The following EFHB variants were observed in gnomAD, a reference collection of about 807,000 sequenced individuals.
EFHB encodes EF-hand domain family member B, also known as EF-hand domain-containing family member B.
Under a neutral mutation model 87.2 loss-of-function variants are expected in EFHB, and 91 were observed. The ratio of observed to expected loss-of-function variants is 1.04; its 90% CI spans 0.88 to 1.24. The LOEUF (loss-of-function observed/expected upper bound fraction) is 1.24, where lower values mean the gene tolerates loss of function less well. Among genes scored for constraint, EFHB ranks in the 50% most tolerant of loss-of-function variants. EFHB has a pLI of 0.00. For missense variants in EFHB, 1,084 were observed against 998.8 expected (o/e 1.09, Z -1.15); for synonymous variants, 325 against 333.6 (o/e 0.97, Z 0.28).
chr3:19,933,874 C>T lies in EFHB; in HGVS notation c.145G>A (p.Val49Ile). Reference protein sequence around the residue: ...EDSRCGESPVVSNKCEGRMAP... With the variant: ...EDSRCGESPVISNKCEGRMAP... ...ATCCTTCCCTCACACTTATTACTAA[C>T]CACAGGGCTCTCCCCGCATCGGGAA... is the stretch of plus-strand genomic sequence containing the variant. Residue 49 changes from valine to isoleucine, a missense_variant, in exon 1 of 13, where the codon GTT becomes ATT. Physicochemically the swap from Val to Ile is conservative, Grantham distance 29. Transcript: ENST00000295824. 6.2e-7 allele frequency: 1 copy of T among 1,614,000 alleles called. No individual in the cohort carries two copies. The highest frequency in any genetic ancestry group is 8.5e-7 in the Non-Finnish European group (1 of 1,179,884).
intron 9 of EFHB, chr3:19,894,842 G>C (rs1694420344): frequency 6.6e-6 from 1 of 151,580 alleles, no homozygotes; most frequent in African/African-American, 2.4e-5. Flanking sequence ...CGAAAATTAG[G>C]GTGTGGTGGC....
In EFHB at chr3:19,905,612, A is replaced by G. The variant is rs762782890; in HGVS notation, c.1418+8T>C. ...ACTTGTTCCTGGGCACAGTATAATTAAACTTACATTTGTAGTTCATGGAGC... is the reference window on the plus strand; with the variant it reads ...ACTTGTTCCTGGGCACAGTATAATTGAACTTACATTTGTAGTTCATGGAGC... On this transcript the variant is annotated splice_region_variant and intron_variant, in intron 6 of 12. Transcript: ENST00000295824. The G allele has an allele frequency of 6.2e-7, 1 of 1,612,848 alleles. No homozygotes were observed. Among genetic ancestry groups the G allele is most frequent in the South Asian group, 1.1e-5 (1 of 90,876 alleles).
intron 1 of EFHB, among the ~76,000 whole-genome samples, chr3:19,924,388 A>G (rs1482651867): frequency 1.3e-5 from 2 of 151,362 alleles, no homozygotes; most frequent in Admixed American, 6.6e-5. Flanking sequence ...TAATTTTTGT[A>G]TTTTCAGTAG....
At chr3:19,905,209 C>T (rs1694799445) in intron 6 of EFHB, among the ~76,000 whole-genome samples, 1 of 151,982 alleles carries the variant, frequency 6.6e-6, no homozygotes, top group Non-Finnish European at 1.5e-5. Context: ...CTATGAAGGC[C>T]CTACTGTACT....
rs777746825 is a variant in EFHB, at chr3:19,915,427, T to C, written c.1178-14A>G. The C allele has an allele frequency of 6.4e-7, 1 of 1,555,850 alleles. No individual in the cohort carries two copies. Among genetic ancestry groups the C allele is most frequent in the Non-Finnish European group, 8.8e-7 (1 of 1,133,752 alleles). On this transcript the variant is annotated splice_polypyrimidine_tract_variant and intron_variant, in intron 4 of 12. Coordinates refer to ENST00000295824, the MANE Select transcript of EFHB (RefSeq NM_144715.4). ...TAGCAGAGTATTCTGAAGGAAGAATTAATAAAATCAGTTCCAAGTCACTTT... is the reference window on the plus strand; with the variant it reads ...TAGCAGAGTATTCTGAAGGAAGAATCAATAAAATCAGTTCCAAGTCACTTT...
chr3:19,888,537 C>G lies in EFHB; in HGVS notation c.1840G>C (p.Asp614His), dbSNP rs776774625. 1.3e-6 allele frequency: 2 copies of G among 1,589,926 alleles called. No individual in the cohort carries two copies. The highest frequency in any genetic ancestry group is 4.5e-5 in the East Asian group (2 of 44,394). The change falls in exon 10 of 13, where the codon GAT (aspartate) becomes CAT (histidine). Residue 614 changes from aspartate to histidine, a missense_variant. Transcript: ENST00000295824. ...AATTCCAGATAGTTAATGAAGCCAT[C>G]ATTATCCACATCACAGTAGTCAAAT... is the stretch of plus-strand genomic sequence containing the variant. ...QLFDYCDVDNDGFINYLEFAN... is the reference protein window; with the variant it reads ...QLFDYCDVDNHGFINYLEFAN...
At chr3:19,907,659 A>G (rs998074013) in intron 5 of EFHB, among the ~76,000 whole-genome samples, 8 of 152,320 alleles carry the variant, frequency 5.3e-5, no homozygotes, top group Admixed American at 2.0e-4. Flanking sequence ...GAGTCTTTTT[A>G]TTTAAAACTG....
At chr3:19,888,957 T>C (rs1309346106) in intron 9 of EFHB, among the ~76,000 whole-genome samples, 2 of 152,234 alleles carry the variant, frequency 1.3e-5, no homozygotes, top group African/African-American at 4.8e-5. Flanking sequence ...CTTCATTTCA[T>C]TGCCTGTTAT....
At chr3:19,902,013 G>C (rs998533719) in intron 6 of EFHB, among the ~76,000 whole-genome samples, 3 of 151,706 alleles carry the variant, frequency 2.0e-5, no homozygotes, top group Admixed American at 1.3e-4. Flanking sequence ...ATAAGAAAAA[G>C]AACTGTCAGG....
At chr3:19,929,965 T>A (rs1695774211) in intron 1 of EFHB, among the ~76,000 whole-genome samples, 1 of 152,194 alleles carries the variant, frequency 6.6e-6, no homozygotes, top group African/African-American at 2.4e-5. Context: ...TATATGACTT[T>A]AGCCGAATTA....
intron 1 of EFHB, among the ~76,000 whole-genome samples, chr3:19,943,904 A>C (rs1696215527): frequency 6.6e-6 from 1 of 152,258 alleles, no homozygotes; most frequent in Non-Finnish European, 1.5e-5. Context: ...AAGACAATGC[A>C]TAATATCATA....
upstream of EFHB, among the ~76,000 whole-genome samples, chr3:19,937,644 CT>C: frequency 6.6e-6 from 1 of 152,252 alleles, no homozygotes; most frequent in East Asian, 1.9e-4. Context: ...TCCCTTAAGA[CT>C]TTACCTCCAG....
intron 3 of EFHB, 79 bp downstream of exon 3, chr3:19,919,754 G>T: frequency 7.1e-7 from 1 of 1,398,788 alleles, no homozygotes; most frequent in Non-Finnish European, 9.9e-7. Context: ...TGGAACTGAT[G>T]AATTTCACTA....
chr3:19,908,990 G>T (rs917763903), intron 5 of EFHB, among the ~76,000 whole-genome samples: 2 of 151,682 alleles, frequency 1.3e-5, no homozygotes, highest in Non-Finnish European at 2.9e-5. Context: ...AGAATAGAAA[G>T]CTCCACTGAT....
At chr3:19,939,533 C>T (rs757496620) in intron 1 of EFHB, among the ~76,000 whole-genome samples, 11 of 150,750 alleles carry the variant, frequency 7.3e-5, no homozygotes, top group East Asian at 2.0e-4. Flanking sequence ...TACAGGCGCC[C>T]GCCACCACAC....
intron 10 of EFHB, among the ~76,000 whole-genome samples, chr3:19,887,042 A>T (rs1694125694): frequency 6.6e-6 from 1 of 152,190 alleles, no homozygotes. Context: ...AGGGAACTGA[A>T]ATGTAGTTCA....
rs1041830612 is a variant in EFHB at position 19,884,111 on chromosome 3, A to G, written c.2146+292T>C. ...ATGGTTTTAAAATCGTCTAATATTAATACTTGGTGGAGTCTGAATTACTAC... is the reference window on the plus strand; with the variant it reads ...ATGGTTTTAAAATCGTCTAATATTAGTACTTGGTGGAGTCTGAATTACTAC... On this transcript the variant is annotated intron_variant, in intron 11 of 12. Coordinates refer to ENST00000295824, the MANE Select transcript of EFHB (RefSeq NM_144715.4). Among the ~76,000 whole-genome samples, 4 of 152,348 alleles carry G rather than the reference A, an allele frequency of 2.6e-5. No individual in the cohort carries two copies. In the South Asian group the frequency reaches 6.2e-4, roughly 24 times the overall value.
In EFHB at chr3:19,884,587, A is replaced by T. The variant is rs760898363; in HGVS notation, c.1962T>A (p.Thr654=). The change falls in exon 11 of 13, where the codon ACT becomes ACA. Residue 654 remains threonine, a synonymous_variant. Transcript: ENST00000295824. The stretch of plus-strand genomic sequence containing the variant: ...GTTCAGGTTCTTCAACATTAGCCTC[A>T]GTAGGGTTTACACAATCTGGTTTTC... ...KGRKPDCVNP[T]EANVEEPEQT... The T allele has an allele frequency of 1.2e-6, 2 of 1,613,968 alleles. No homozygotes were observed. The highest frequency in any genetic ancestry group is 4.5e-5 in the East Asian group (2 of 44,870).
chr3:19,928,634 G>A (rs1252016659), intron 1 of EFHB, among the ~76,000 whole-genome samples: 13 of 152,108 alleles, frequency 8.5e-5, no homozygotes, highest in Admixed American at 5.9e-4. Context: ...TAGTAGAGAC[G>A]GAGTTTTGCC....
Sources: gnomAD v4.1 joint callset for allele counts (sites outside exome capture counted in the v4.1 genomes callset) on GRCh38, gnomAD v4.1.1 for gene constraint, MANE v1.5 for transcripts, NCBI Gene and HGNC (gene_info 2026-07-23, HGNC 2026-07-21) for gene names.